FSTL4: variants seen among roughly 807,000 people sequenced by gnomAD.
FSTL4 encodes the protein follistatin like 4, also known as follistatin-related protein 4.
In FSTL4, 28 loss-of-function variants were observed where a neutral mutation model predicts 78.2. The ratio of observed to expected loss-of-function variants is 0.36; its 90% CI spans 0.27 to 0.49. The LOEUF is 0.49. Among genes scored for constraint, FSTL4 ranks in the 20% least tolerant of loss-of-function variants. The pLI, the probability that FSTL4 is intolerant of heterozygous loss-of-function variation, is 0.98. For synonymous variants in FSTL4, 422 were observed against 440.5 expected (o/e 0.96, Z 0.53); for missense variants, 922 against 1,084.9 (o/e 0.85, Z 2.11).
At chr5:133,201,896 C>G in intron 15 of FSTL4, 37 bp downstream of exon 15, 1 of 1,203,098 alleles carries the variant, frequency 8.3e-7, no homozygotes. Context: ...TGAGCTGGAG[C>G]GGGGAGTGCC....
chr5:133,465,294 T>C (rs1757683151), intron 3 of FSTL4, among the ~76,000 whole-genome samples: 2 of 152,218 alleles, frequency 1.3e-5, no homozygotes, highest in African/African-American at 2.4e-5. Flanking sequence ...CAAGTTCTTA[T>C]GGCCTCTCAA....
At chr5:133,730,728 C>T in the FSTL4 span, among the ~76,000 whole-genome samples, 1 of 152,230 alleles carries the variant, frequency 6.6e-6, no homozygotes, top group Non-Finnish European at 1.5e-5. Flanking sequence ...TTAACTGACA[C>T]ATCTGAGCCT....
At chr5:133,392,609 G>A (rs1362733832) in intron 4 of FSTL4, among the ~76,000 whole-genome samples, 1 of 152,066 alleles carries the variant, frequency 6.6e-6, no homozygotes, top group Admixed American at 6.5e-5. Context: ...GAGACAGCCA[G>A]TGCAGAAAAT....
chr5:133,810,219 G>A, the FSTL4 span, among the ~76,000 whole-genome samples: 5 of 152,172 alleles, frequency 3.3e-5, no homozygotes, highest in African/African-American at 1.2e-4. Context: ...AACTACTAGG[G>A]TTGCCCCTCT....
At chr5:133,709,837 T>G in the FSTL4 span, among the ~76,000 whole-genome samples, 6 of 152,232 alleles carry the variant, frequency 3.9e-5, no homozygotes, top group African/African-American at 1.4e-4. Flanking sequence ...CTCACTTTTA[T>G]GTTGGAGATT....
chr5:133,378,500 T>C lies in FSTL4; in HGVS notation c.409+22238A>G, dbSNP rs368759519. 2.0e-4 allele frequency among the ~76,000 whole-genome samples: 30 copies of C among 152,314 alleles called. No homozygotes were observed. The South Asian group carries it at 6.0e-3, about 30-fold the overall frequency. Reference sequence around the variant, plus strand: ...GGTTAACATACAAATTATATAACTATATACTTGCTCTCATTTATTCCCTCA... The same window carrying C: ...GGTTAACATACAAATTATATAACTACATACTTGCTCTCATTTATTCCCTCA... On this transcript the variant is annotated intron_variant, in intron 4 of 15. Coordinates refer to ENST00000265342, the MANE Select transcript of FSTL4 (RefSeq NM_015082.2).
intron 3 of FSTL4, among the ~76,000 whole-genome samples, chr5:133,501,500 G>A (rs999811430): frequency 3.9e-5 from 6 of 152,152 alleles, no homozygotes; most frequent in African/African-American, 1.2e-4. Context: ...ACTGGAGGAA[G>A]GAGGAACAGG....
chr5:133,214,846 G>A (rs1581532206), intron 13 of FSTL4, among the ~76,000 whole-genome samples: 1 of 152,330 alleles, frequency 6.6e-6, no homozygotes, highest in East Asian at 1.9e-4. Context: ...GTTATTCTCA[G>A]TAGCATATAG....
chr5:133,278,656 A>C (rs1752943017), intron 6 of FSTL4, among the ~76,000 whole-genome samples: 1 of 152,180 alleles, frequency 6.6e-6, no homozygotes, highest in Non-Finnish European at 1.5e-5. Flanking sequence ...TGAGAGGTGC[A>C]AGGAAGACCT....
At chr5:133,473,825 T>C (rs1349093709) in intron 3 of FSTL4, among the ~76,000 whole-genome samples, 6 of 152,108 alleles carry the variant, frequency 3.9e-5, no homozygotes, top group Admixed American at 3.3e-4. Context: ...GGAGAGACAA[T>C]GAGTGCAGAG....
chr5:133,576,323 T>C (rs1164621249), intron 2 of FSTL4, among the ~76,000 whole-genome samples: 1 of 152,162 alleles, frequency 6.6e-6, no homozygotes, highest in Non-Finnish European at 1.5e-5. Flanking sequence ...TCTCCATCTG[T>C]GCTCTCAGAG....
intron 6 of FSTL4, among the ~76,000 whole-genome samples, chr5:133,254,626 G>C (rs73279904): frequency 6.6e-6 from 1 of 152,194 alleles, no homozygotes; most frequent in Non-Finnish European, 1.5e-5. Flanking sequence ...CCTGGGCATC[G>C]TGCGTGATCA....
Position 133,305,303 on chromosome 5 carries a change from C to T in FSTL4, c.727+7351G>A, listed in dbSNP as rs1197443264. 2.6e-5 allele frequency among the ~76,000 whole-genome samples: 4 copies of T among 152,316 alleles called. No homozygotes were observed. The South Asian group carries it at 8.3e-4, about 32-fold the overall frequency. On this transcript the variant is annotated intron_variant, in intron 6 of 15. Transcript: ENST00000265342. ...CCCCCTCACAGCCGAGCTAAGCTGG[C>T]CTTCTCCAAGCCCTGGCCTCTGAGT...
intron 4 of FSTL4, among the ~76,000 whole-genome samples, chr5:133,376,059 G>A (rs947300551): frequency 1.3e-5 from 2 of 152,316 alleles, no homozygotes; most frequent in Non-Finnish European, 2.9e-5. Context: ...GTATACACAC[G>A]TGTGCACTTG....
rs764200370 is a variant in FSTL4, at chr5:133,217,397, G to C, written c.1459-19C>G. ...TTTCTTCCTGCAAAGGAGATAGGCT[G>C]TCATATATCTTCTTAATTGCCCTTT... On this transcript the variant is annotated intron_variant, in intron 12 of 15. Transcript: ENST00000265342. 6.2e-6 allele frequency: 10 copies of C among 1,612,238 alleles called. No individual in the cohort carries two copies. Among genetic ancestry groups the C allele is most frequent in the Non-Finnish European group, 8.5e-6 (10 of 1,178,728 alleles).
intron 3 of FSTL4, among the ~76,000 whole-genome samples, chr5:133,543,217 A>AT (rs1202078595): frequency 1.3e-5 from 2 of 151,628 alleles, no homozygotes; most frequent in Non-Finnish European, 2.9e-5. Context: ...TGCCTGGTTA[A>AT]TTTTTTTATC....
intron 8 of FSTL4, among the ~76,000 whole-genome samples, chr5:133,226,800 C>T (rs1233955012): frequency 6.6e-6 from 1 of 152,198 alleles, no homozygotes; most frequent in Non-Finnish European, 1.5e-5. Flanking sequence ...CATCCCAGTA[C>T]TTTAGAATAG....
the FSTL4 span, chr5:133,720,990 A>T: frequency 9.2e-5 from 14 of 152,130 alleles, no homozygotes; most frequent in Admixed American, 2.0e-4. Flanking sequence ...TCTAGCAGTC[A>T]CCAGTGCCCA....
the FSTL4 span, among the ~76,000 whole-genome samples, chr5:133,746,828 C>T: frequency 6.6e-6 from 1 of 152,180 alleles, no homozygotes; most frequent in Non-Finnish European, 1.5e-5. Context: ...TTGAAAATAA[C>T]AGTAGCCAAT....
Sources: gnomAD v4.1 joint callset for allele counts (sites outside exome capture counted in the v4.1 genomes callset) on GRCh38, gnomAD v4.1.1 for gene constraint, MANE v1.5 for transcripts, NCBI Gene and HGNC (gene_info 2026-07-23, HGNC 2026-07-21) for gene names.